The following GRM5 variants were observed in gnomAD, a reference collection of about 807,000 sequenced individuals.
The protein encoded by GRM5 is metabotropic glutamate receptor 5.
A neutral mutation model predicts 83.1 loss-of-function variants in GRM5; 19 were observed. That is an observed-to-expected ratio of 0.23 (90% CI 0.16 to 0.34). The LOEUF is 0.34. Among genes scored for constraint, GRM5 ranks in the 10% least tolerant of loss-of-function variants. GRM5 has a pLI of 1.00. For synonymous variants in GRM5, 675 were observed against 633.6 expected (o/e 1.07, Z -0.98); for missense variants, 1,160 against 1,588.3 (o/e 0.73, Z 4.58).
At chr11:88,630,119 T>C (rs1281984257) in intron 4 of GRM5, among the ~76,000 whole-genome samples, 2 of 152,170 alleles carry the variant, frequency 1.3e-5, no homozygotes, top group Non-Finnish European at 2.9e-5. Context: ...CTGGGCTTTA[T>C]ACAAAGTTTC....
chr11:88,528,720 T>G (rs1875797), intron 8 of GRM5, among the ~76,000 whole-genome samples: 19,961 of 152,106 alleles, frequency 0.13, 1,437 homozygotes, highest in Non-Finnish European at 0.16. Context: ...ATTTACTATA[T>G]TTATATTCAA....
intron 2 of GRM5, among the ~76,000 whole-genome samples, chr11:88,855,636 A>G (rs943712149): frequency 6.6e-6 from 1 of 151,946 alleles, no homozygotes; most frequent in African/African-American, 2.4e-5. Flanking sequence ...TTTCTTAGGA[A>G]ACATAGCTCA....
At chr11:88,565,531 C>G (rs1039980847) in intron 8 of GRM5, among the ~76,000 whole-genome samples, 1 of 152,270 alleles carries the variant, frequency 6.6e-6, no homozygotes, top group South Asian at 2.1e-4. Flanking sequence ...CTGGGAGATT[C>G]TGTTTACAGA....
intron 2 of GRM5, among the ~76,000 whole-genome samples, chr11:88,925,074 A>G (rs114931953): frequency 0.021 from 3,250 of 152,196 alleles, 119 homozygotes; most frequent in African/African-American, 0.072. Context: ...ATGTAGTTAT[A>G]TATAACTACA....
At chr11:88,933,756 A>G (rs1191705311) in intron 2 of GRM5, among the ~76,000 whole-genome samples, 3 of 151,862 alleles carry the variant, frequency 2.0e-5, no homozygotes, top group Non-Finnish European at 4.4e-5. Context: ...ATGTTACTTA[A>G]TTCATTCATT....
At chr11:88,547,804 G>A (rs1359774203) in intron 8 of GRM5, among the ~76,000 whole-genome samples, 2 of 152,090 alleles carry the variant, frequency 1.3e-5, no homozygotes, top group Non-Finnish European at 2.9e-5. Flanking sequence ...GCTTTCACAA[G>A]TGTAAAAATT....
intron 2 of GRM5, among the ~76,000 whole-genome samples, chr11:88,904,875 T>G (rs867851582): frequency 6.6e-6 from 1 of 152,146 alleles, no homozygotes; most frequent in Admixed American, 6.6e-5. Context: ...AAAATGTGTA[T>G]TGGAAAGGAG....
chr11:88,644,375 G>A (rs554927001), intron 4 of GRM5, among the ~76,000 whole-genome samples: 14 of 152,244 alleles, frequency 9.2e-5, no homozygotes, highest in Non-Finnish European at 1.9e-4. Flanking sequence ...TTTATAAAAT[G>A]CTTGCCTTAT....
At chr11:88,936,504 T>C (rs1005502394) in intron 2 of GRM5, among the ~76,000 whole-genome samples, 46 of 151,814 alleles carry the variant, frequency 3.0e-4, no homozygotes, top group African/African-American at 1.1e-3. Context: ...TTTACTACTA[T>C]GTCAAATAAA....
intron 4 of GRM5, among the ~76,000 whole-genome samples, chr11:88,644,112 T>C (rs866287786): frequency 1.2e-4 from 18 of 152,216 alleles, no homozygotes; most frequent in Admixed American, 3.9e-4. Context: ...AAGCACATAA[T>C]GGCCGTAAAC....
chr11:88,867,780 C>G (rs1282284265), intron 2 of GRM5, among the ~76,000 whole-genome samples: 1 of 151,728 alleles, frequency 6.6e-6, no homozygotes, highest in Non-Finnish European at 1.5e-5. Context: ...TCAGAAGGAA[C>G]ACAGCCTATT....
intron 2 of GRM5, among the ~76,000 whole-genome samples, chr11:88,879,406 C>T (rs1944913795): frequency 6.6e-6 from 1 of 150,972 alleles, no homozygotes; most frequent in Non-Finnish European, 1.5e-5. Flanking sequence ...CATAAAAGAG[C>T]TTAAGTCTTT....
intron 9 of GRM5, among the ~76,000 whole-genome samples, chr11:88,524,850 T>C (rs1442968347): frequency 3.9e-5 from 6 of 152,246 alleles, no homozygotes; most frequent in Non-Finnish European, 8.8e-5. Context: ...AAGTAAGGTA[T>C]ATTAATTTCC....
chr11:88,902,950 CAAAAAAAAAAAA>C (rs201996144), intron 2 of GRM5, among the ~76,000 whole-genome samples: 4 of 61,922 alleles, frequency 6.5e-5, no homozygotes, highest in African/African-American at 2.3e-4. Flanking sequence ...GACTCCATCT[CAAAAAAAAAAAA>C]AAAAAAAAAA....
chr11:88,924,379 C>T (rs535694891), intron 2 of GRM5, among the ~76,000 whole-genome samples: 10 of 152,138 alleles, frequency 6.6e-5, no homozygotes, highest in African/African-American at 2.4e-4. Context: ...GCATCATGCA[C>T]AGTAACAAAG....
chr11:88,614,226 T>C (rs1207739272), intron 4 of GRM5, among the ~76,000 whole-genome samples: 2 of 152,186 alleles, frequency 1.3e-5, no homozygotes, highest in African/African-American at 4.8e-5. Context: ...CTCTGTGGCT[T>C]GGACAGGTTA....
Position 88,825,542 on chromosome 11 carries a change from A to G in GRM5, c.911+24364T>C, listed in dbSNP as rs1162128417. On this transcript the variant is annotated intron_variant, in intron 3 of 9. Coordinates refer to ENST00000305447, the MANE Select transcript of GRM5 (RefSeq NM_001143831.3). ...CTATGACTTTTATCAAGATGAGGGAATAGATATTTGACATACAGTGTGGGT... is the reference window on the plus strand; with the variant it reads ...CTATGACTTTTATCAAGATGAGGGAGTAGATATTTGACATACAGTGTGGGT... 2.6e-5 allele frequency among the ~76,000 whole-genome samples: 4 copies of G among 152,218 alleles called. No homozygotes were observed. In the South Asian group the frequency reaches 6.2e-4, roughly 24 times the overall value.
intron 9 of GRM5, among the ~76,000 whole-genome samples, chr11:88,511,182 A>G (rs911345183): frequency 2.6e-5 from 4 of 152,090 alleles, no homozygotes; most frequent in Admixed American, 1.3e-4. Context: ...TTCTTTCACA[A>G]TCTGAGAAAC....
At chr11:88,637,914 A>C (rs1283676227) in intron 4 of GRM5, among the ~76,000 whole-genome samples, 1 of 151,416 alleles carries the variant, frequency 6.6e-6, no homozygotes, top group African/African-American at 2.4e-5. Context: ...CCAAATGTCC[A>C]ACAATGATAG....
Sources: allele counts gnomAD v4.1 joint callset (sites outside exome capture counted in the v4.1 genomes callset), GRCh38; gene constraint gnomAD v4.1.1; transcripts MANE v1.5; gene names NCBI Gene and HGNC (gene_info 2026-07-23, HGNC 2026-07-21).